The following ASIP variants were observed in gnomAD, a reference collection of about 807,000 sequenced individuals.
ASIP encodes agouti signaling protein.
In ASIP, 11 loss-of-function variants were observed where a neutral mutation model predicts 10.3. The observed-to-expected ratio is 1.07, with a 90% CI of 0.68 to 1.78. The LOEUF (loss-of-function observed/expected upper bound fraction) is 1.78, where lower values mean the gene tolerates loss of function less well. ASIP is among the 40% of genes most tolerant of loss of function. The pLI is 0.00. For missense variants in ASIP, 180 were observed against 169.2 expected (o/e 1.06, Z -0.35); for synonymous variants, 70 against 70.8 (o/e 0.99, Z 0.06).
In ASIP at chr20:34,260,455, G is replaced by C; in HGVS notation, c.81G>C (p.Glu27Asp). The part of the protein sequence containing the change: ...FFTANSHLPP[E>D]EKLRDDRSLR... ...CTGCCAACAGCCACCTGCCACCTGA[G>C]GAGAAGCTCCGAGATGACAGGAGCC... The change falls in exon 2 of 4, where the codon GAG becomes GAC. Residue 27 changes from glutamate (E) to aspartate (D), a missense_variant. Transcript: ENST00000374954. 1 of 1,614,168 alleles carries C rather than the reference G, an allele frequency of 6.2e-7. No homozygotes were observed. Among genetic ancestry groups the C allele is most frequent in the African/African-American group, 1.3e-5 (1 of 75,058 alleles).
At chr20:34,214,584 G>A in intron 1 of ASIP, 1 of 1,366,964 alleles carries the variant, frequency 7.3e-7, no homozygotes, top group Non-Finnish European at 1.0e-6. Context: ...TAAAAACTCT[G>A]CGAACAGAGG....
chr20:34,187,634 T>C, the ASIP span, among the ~76,000 whole-genome samples: 1 of 152,254 alleles, frequency 6.6e-6, no homozygotes, highest in Non-Finnish European at 1.5e-5. Context: ...TATGTATCCA[T>C]TGCTAATGTT....
chr20:34,237,985 C>T (rs1048780017), upstream of ASIP, among the ~76,000 whole-genome samples: 2 of 152,104 alleles, frequency 1.3e-5, no homozygotes, highest in East Asian at 3.8e-4. Context: ...CTCTGGCCTC[C>T]AAAGTTTCTG....
At chr20:34,209,747 G>T (rs1332599100) in intron 1 of ASIP, among the ~76,000 whole-genome samples, 1 of 152,192 alleles carries the variant, frequency 6.6e-6, no homozygotes, top group East Asian at 1.9e-4. Flanking sequence ...CTAAGGAGGG[G>T]CCGAGGGCAG....
intron 1 of ASIP, among the ~76,000 whole-genome samples, chr20:34,222,886 T>TC (rs2035058989): frequency 1.3e-5 from 2 of 152,242 alleles, no homozygotes; most frequent in South Asian, 4.1e-4. Flanking sequence ...AGCCTCGGCC[T>TC]CCCGAGGTGC....
intron 1 of ASIP, among the ~76,000 whole-genome samples, chr20:34,244,476 C>T (rs1394817900): frequency 2.6e-5 from 4 of 152,106 alleles, no homozygotes; most frequent in African/African-American, 9.7e-5. Context: ...CTGAGGTGCC[C>T]GCCTTTGACA....
In ASIP at chr20:34,269,302, C is replaced by A; in HGVS notation, c.*135C>A. On this transcript the variant is annotated 3_prime_UTR_variant, in exon 4 of 4. Transcript: ENST00000374954. ...TCCAGGAGATGGGACTTCAGGGAGA[C>A]CTGGCTTGGGCTAAAATCGAAATAC... is the stretch of plus-strand genomic sequence containing the variant. 1 of 1,154,770 alleles carries A rather than the reference C, an allele frequency of 8.7e-7. No individual in the cohort carries two copies. The allele number at this position is 1,154,770 out of a possible 1,614,324, so 71.5% of individuals were successfully genotyped here. A position where few individuals can be genotyped will look rare whatever the true frequency, so the allele number is the denominator to read the frequency against.
chr20:34,265,823 G>A (rs1022659391), intron 3 of ASIP, among the ~76,000 whole-genome samples: 7 of 151,766 alleles, frequency 4.6e-5, no homozygotes, highest in Non-Finnish European at 8.8e-5. Flanking sequence ...GGTGCTGCAC[G>A]CCTGTAATCC....
chr20:34,260,277 C>G, intron 1 of ASIP, 88 bp from the exon 2 acceptor site: 1 of 1,387,218 alleles, frequency 7.2e-7, no homozygotes, highest in Non-Finnish European at 9.8e-7. Flanking sequence ...GGTCACAACA[C>G]CAGCCCAAAG....
At chr20:34,262,743 C>T in intron 2 of ASIP, 89 bp from the exon 3 acceptor site, 1 of 1,466,610 alleles carries the variant, frequency 6.8e-7, no homozygotes, top group East Asian at 2.3e-5. Context: ...GACCTTGTGA[C>T]TTCCCAAGCC....
intron 1 of ASIP, among the ~76,000 whole-genome samples, chr20:34,251,293 CAG>C (rs1221879577): frequency 6.7e-5 from 10 of 149,980 alleles, no homozygotes; most frequent in African/African-American, 2.2e-4. Context: ...TTTTTTGAGA[CAG>C]AGTCTCGCTC....
intron 2 of ASIP, among the ~76,000 whole-genome samples, chr20:34,261,549 A>C (rs1169114090): frequency 1.3e-5 from 2 of 151,936 alleles, no homozygotes; most frequent in South Asian, 4.1e-4. Flanking sequence ...CAGGAGGATC[A>C]CTTGAGCCCA....
intron 1 of ASIP, among the ~76,000 whole-genome samples, chr20:34,248,488 G>A (rs1464245246): frequency 6.6e-6 from 1 of 152,148 alleles, no homozygotes; most frequent in Non-Finnish European, 1.5e-5. Context: ...TTTATTCTCA[G>A]AGGGCAAATC....
At chr20:34,264,476 A>T (rs819162) in intron 3 of ASIP, among the ~76,000 whole-genome samples, 36,990 of 152,106 alleles carry the variant, frequency 0.24, 7,339 homozygotes, top group African/African-American at 0.55. Context: ...GTAAACCTTG[A>T]GTAGTACCAA....
intron 1 of ASIP, among the ~76,000 whole-genome samples, chr20:34,201,021 T>TTCC (rs1568744492): frequency 0.024 from 1,466 of 61,284 alleles, 11 homozygotes; most frequent in Admixed American, 0.047. Context: ...TCCTTCCTTC[T>TTCC]TTCTTTCTTT....
intron 1 of ASIP, among the ~76,000 whole-genome samples, chr20:34,221,747 T>C (rs2035049203): frequency 6.6e-6 from 1 of 152,132 alleles, no homozygotes; most frequent in South Asian, 2.1e-4. Flanking sequence ...TGTGTGAGCC[T>C]AATTCTGGCA....
At chr20:34,199,921 C>A (rs1028998341) in intron 1 of ASIP, among the ~76,000 whole-genome samples, 1 of 152,020 alleles carries the variant, frequency 6.6e-6, no homozygotes, top group African/African-American at 2.4e-5. Context: ...AGTTTTTTGT[C>A]ACCCCCGTAA....
intron 1 of ASIP, chr20:34,215,991 C>T (rs929351716): frequency 1.4e-6 from 1 of 726,084 alleles, no homozygotes; most frequent in Non-Finnish European, 2.5e-6. Context: ...CAGCCCGCCT[C>T]CCAGCCTGAA....
chr20:34,232,592 T>A (rs777526572), intron 1 of ASIP, among the ~76,000 whole-genome samples: 2 of 152,184 alleles, frequency 1.3e-5, no homozygotes, highest in Non-Finnish European at 2.9e-5. Flanking sequence ...TAGGTCTTAT[T>A]TGAGACATCC....
Sources: gnomAD v4.1 joint callset for allele counts (sites outside exome capture counted in the v4.1 genomes callset) on GRCh38, gnomAD v4.1.1 for gene constraint, MANE v1.5 for transcripts, NCBI Gene and HGNC (gene_info 2026-07-23, HGNC 2026-07-21) for gene names.